Variants in CADM2 observed in about 807,000 individuals in gnomAD.
CADM2 encodes the protein immunoglobulin superfamily member 4D.
CADM2 carries 12 observed loss-of-function variants against 49.8 expected under a neutral mutation model. That is an observed-to-expected ratio of 0.24 (90% CI 0.15 to 0.39). CADM2 has a LOEUF of 0.39. Ranked by LOEUF, CADM2 falls within the 10% of genes least tolerant of loss-of-function variation. The pLI, the probability that CADM2 is intolerant of heterozygous loss-of-function variation, is 1.00. For missense variants in CADM2, 378 were observed against 492.3 expected, an observed-to-expected ratio of 0.77 and a Z score of 2.20; for synonymous variants, 214 against 175.4, an observed-to-expected ratio of 1.22 and a Z score of -1.74.
At chr3:85,176,283 T>C (rs1026752688) in intron 1 of CADM2, among the ~76,000 whole-genome samples, 5 of 152,202 alleles carry the variant, frequency 3.3e-5, no homozygotes, top group Non-Finnish European at 7.3e-5. Flanking sequence ...TCTCACCAAC[T>C]CATAAATATT....
intron 1 of CADM2, among the ~76,000 whole-genome samples, chr3:85,399,493 G>C (rs2034979614): frequency 6.6e-6 from 1 of 152,154 alleles, no homozygotes; most frequent in African/African-American, 2.4e-5. Context: ...CTTTAAAGTA[G>C]TTTTTTCCAA....
At chr3:85,645,319 C>T (rs867063117) in intron 1 of CADM2, among the ~76,000 whole-genome samples, 24 of 151,678 alleles carry the variant, frequency 1.6e-4, no homozygotes, top group African/African-American at 4.8e-4. Flanking sequence ...AGACAAGCTG[C>T]GTTTTAAACA....
At chr3:85,885,165 A>C (rs947801447) in intron 4 of CADM2, among the ~76,000 whole-genome samples, 1 of 152,102 alleles carries the variant, frequency 6.6e-6, no homozygotes, top group African/African-American at 2.4e-5. Flanking sequence ...CTACCTTTTA[A>C]AATTTCTACA....
intron 8 of CADM2, among the ~76,000 whole-genome samples, chr3:85,977,894 C>A (rs984222002): frequency 5.3e-5 from 8 of 151,536 alleles, no homozygotes; most frequent in Admixed American, 1.3e-4. Flanking sequence ...TCTGGTGTAT[C>A]CAGTGTAGAA....
At chr3:85,445,795 GA>G (rs2037421361) in intron 1 of CADM2, among the ~76,000 whole-genome samples, 1 of 152,088 alleles carries the variant, frequency 6.6e-6, no homozygotes, top group South Asian at 2.1e-4. Flanking sequence ...TGCCTTTTTA[GA>G]AAAGGTAACT....
chr3:85,328,159 T>C (rs966805574), intron 1 of CADM2, among the ~76,000 whole-genome samples: 3 of 152,208 alleles, frequency 2.0e-5, no homozygotes, highest in African/African-American at 7.2e-5. Flanking sequence ...TTGTGATTTG[T>C]TAAGCTTTTG....
chr3:86,064,342 A>G (rs1455323086), intron 8 of CADM2, among the ~76,000 whole-genome samples: 2 of 152,004 alleles, frequency 1.3e-5, no homozygotes, highest in Non-Finnish European at 2.9e-5. Context: ...GCTGAGAATG[A>G]TGGTTTCCAG....
chr3:85,388,956 T>G (rs1427256803), intron 1 of CADM2, among the ~76,000 whole-genome samples: 1 of 152,130 alleles, frequency 6.6e-6, no homozygotes, highest in Non-Finnish European at 1.5e-5. Flanking sequence ...ATCTAGACCA[T>G]CTGGGGGTAT....
intron 1 of CADM2, among the ~76,000 whole-genome samples, chr3:85,638,941 G>T (rs1431576739): frequency 6.6e-6 from 1 of 152,028 alleles, no homozygotes; most frequent in Non-Finnish European, 1.5e-5. Flanking sequence ...TGAAGAAGAA[G>T]AAGAAAAGAG....
intron 1 of CADM2, among the ~76,000 whole-genome samples, chr3:84,965,825 G>T (rs1396551954): frequency 6.6e-6 from 1 of 152,074 alleles, no homozygotes; most frequent in Admixed American, 6.6e-5. Context: ...TAACTGTTCA[G>T]TGTCTCTTCA....
At chr3:85,263,074 C>T (rs1336214869) in intron 1 of CADM2, among the ~76,000 whole-genome samples, 2 of 151,950 alleles carry the variant, frequency 1.3e-5, no homozygotes, top group Non-Finnish European at 2.9e-5. Context: ...GTCACTGCAA[C>T]CTCTGCCTCC....
intron 1 of CADM2, among the ~76,000 whole-genome samples, chr3:85,282,999 C>T (rs957425658): frequency 1.3e-5 from 2 of 151,936 alleles, no homozygotes; most frequent in Admixed American, 1.3e-4. Flanking sequence ...ATCAAAATAT[C>T]ACATGTAACC....
At chr3:85,386,911 G>A (rs1343049419) in intron 1 of CADM2, among the ~76,000 whole-genome samples, 2 of 152,076 alleles carry the variant, frequency 1.3e-5, no homozygotes, top group Non-Finnish European at 1.5e-5. Context: ...TATTCTCATA[G>A]GTGGAATAAA....
At chr3:85,355,040 G>GT (rs1415477425) in intron 1 of CADM2, among the ~76,000 whole-genome samples, 4 of 152,032 alleles carry the variant, frequency 2.6e-5, no homozygotes, top group African/African-American at 9.7e-5. Flanking sequence ...ACTTCAGAGC[G>GT]TGTCGATGCT....
intron 1 of CADM2, among the ~76,000 whole-genome samples, chr3:85,111,583 CAG>C (rs2038459708): frequency 6.6e-6 from 1 of 151,788 alleles, no homozygotes; most frequent in African/African-American, 2.4e-5. Context: ...AACTCACAGA[CAG>C]AGAGTGTAGA....
chr3:85,737,887 C>T (rs750050343), intron 2 of CADM2, among the ~76,000 whole-genome samples: 1 of 152,080 alleles, frequency 6.6e-6, no homozygotes, highest in Non-Finnish European at 1.5e-5. Flanking sequence ...TGTGTTTTCC[C>T]ATCTTGGCCA....
intron 1 of CADM2, among the ~76,000 whole-genome samples, chr3:85,506,803 A>C (rs2107677186): frequency 6.6e-6 from 1 of 152,274 alleles, no homozygotes; most frequent in East Asian, 1.9e-4. Flanking sequence ...CTGGCATGGT[A>C]ATTTCAATAA....
At chr3:85,610,115 G>T (rs1321234518) in intron 1 of CADM2, among the ~76,000 whole-genome samples, 2 of 151,742 alleles carry the variant, frequency 1.3e-5, no homozygotes, top group Non-Finnish European at 2.9e-5. Flanking sequence ...GCTCAAAGTG[G>T]GCTCTCTAAT....
chr3:85,920,041 C>T (rs188811876), intron 6 of CADM2, among the ~76,000 whole-genome samples: 270 of 151,898 alleles, frequency 1.8e-3, no homozygotes, highest in African/African-American at 5.7e-3. Context: ...CTACACAAAC[C>T]CGTACGTTTC....
Sources: allele counts gnomAD v4.1 joint callset (sites outside exome capture counted in the v4.1 genomes callset), GRCh38; gene constraint gnomAD v4.1.1; transcripts MANE v1.5; gene names NCBI Gene and HGNC (gene_info 2026-07-23, HGNC 2026-07-21).